The following OSTF1 variants were observed in gnomAD, a reference collection of about 807,000 sequenced individuals.
OSTF1 encodes the protein osteoclast stimulating factor 1, also known as osteoclast-stimulating factor 1.
OSTF1 carries 27 observed loss-of-function variants against 37.2 expected under a neutral mutation model. The ratio of observed to expected loss-of-function variants is 0.73; its 90% confidence interval spans 0.54 to 1.00. The LOEUF (loss-of-function observed/expected upper bound fraction) is 1.00. OSTF1 is among the 50% of genes least tolerant of loss of function. The pLI is 0.00. For synonymous variants in OSTF1, 82 were observed against 89.2 expected (o/e 0.92, Z 0.46); for missense variants, 232 against 253.8 (o/e 0.91, Z 0.58).
intron 9 of OSTF1, among the ~76,000 whole-genome samples, chr9:75,143,488 G>A (rs1475777670): frequency 6.6e-6 from 1 of 152,104 alleles, no homozygotes; most frequent in Non-Finnish European, 1.5e-5. Flanking sequence ...CTCCCTCAGT[G>A]TCTTCTGCTT....
rs751244004 is a variant in OSTF1, at chr9:75,134,372, C to G, written c.385C>G (p.Pro129Ala). 1 of 1,569,900 alleles carries G rather than the reference C, an allele frequency of 6.4e-7. No individual in the cohort carries two copies. Among genetic ancestry groups the G allele is most frequent in the South Asian group, 1.1e-5 (1 of 87,894 alleles). The change falls in exon 7 of 10, where the codon CCA becomes GCA. Residue 129 changes from proline to alanine, a missense_variant. Transcript: ENST00000346234. Reference sequence around the variant, plus strand: ...TATAGTGGAAATGCTATTTACTCAACCAAATATTGAACTGAACCAGCAGGT... The same window carrying G: ...TATAGTGGAAATGCTATTTACTCAAGCAAATATTGAACTGAACCAGCAGGT... ...KDIVEMLFTQ[P>A]NIELNQQNKL...
intron 5 of OSTF1, 73 bp downstream of exon 5, chr9:75,131,896 G>T: frequency 9.3e-7 from 1 of 1,073,108 alleles, no homozygotes; most frequent in Non-Finnish European, 1.4e-6. Context: ...TTTGACAAGT[G>T]CATACACCCA....
chr9:75,140,699 T>C (rs1825927975), intron 8 of OSTF1, 135 bp from the exon 9 acceptor site: 2 of 588,476 alleles, frequency 3.4e-6, no homozygotes, highest in East Asian at 2.9e-5. Flanking sequence ...GTTTATTGTT[T>C]TGAGAACGTT....
chr9:75,122,295 C>CT (rs1327992044), intron 2 of OSTF1, among the ~76,000 whole-genome samples: 6 of 152,126 alleles, frequency 3.9e-5, no homozygotes, highest in African/African-American at 1.4e-4. Context: ...GACTGGGAAT[C>CT]TAAGAGCTGA....
chr9:75,127,946 A>G (rs1825686523), intron 3 of OSTF1, among the ~76,000 whole-genome samples: 1 of 152,046 alleles, frequency 6.6e-6, no homozygotes, highest in South Asian at 2.1e-4. Context: ...TCAGTTTTCT[A>G]GGAAAGGGTG....
At chr9:75,139,126 T>C (rs1399612910) in intron 8 of OSTF1, among the ~76,000 whole-genome samples, 1 of 150,188 alleles carries the variant, frequency 6.7e-6, no homozygotes, top group Non-Finnish European at 1.5e-5. Context: ...CATTGCAACC[T>C]CCGCCTCCAG....
At chr9:75,124,070 G>T (rs955464523) in intron 2 of OSTF1, among the ~76,000 whole-genome samples, 6 of 151,958 alleles carry the variant, frequency 3.9e-5, no homozygotes, top group Admixed American at 2.6e-4. Flanking sequence ...GACTATTTTG[G>T]GCTTTATTAC....
intron 1 of OSTF1, among the ~76,000 whole-genome samples, chr9:75,115,482 G>T (rs1436235506): frequency 1.3e-5 from 2 of 152,008 alleles, no homozygotes; most frequent in Admixed American, 6.6e-5. Flanking sequence ...TAGAGATGGG[G>T]TTTCACCATG....
chr9:75,129,918 G>C (rs530487565), intron 3 of OSTF1, among the ~76,000 whole-genome samples: 3 of 152,272 alleles, frequency 2.0e-5, no homozygotes, highest in Admixed American at 6.5e-5. Context: ...TTTAAGCTGT[G>C]ATAATGGCAT....
At chr9:75,097,158 T>C (rs1477204337) in intron 1 of OSTF1, among the ~76,000 whole-genome samples, 2 of 152,212 alleles carry the variant, frequency 1.3e-5, no homozygotes, top group Non-Finnish European at 2.9e-5. Context: ...TTAAAATTGT[T>C]TTCGACCACA....
chr9:75,119,939 G>C (rs922854846), intron 2 of OSTF1, among the ~76,000 whole-genome samples: 25 of 151,772 alleles, frequency 1.6e-4, no homozygotes, highest in African/African-American at 4.6e-4. Context: ...ACTCCAGCCT[G>C]GCGACAGAGT....
At chr9:75,107,503 A>C (rs1306802502) in intron 1 of OSTF1, among the ~76,000 whole-genome samples, 1 of 152,318 alleles carries the variant, frequency 6.6e-6, no homozygotes, top group East Asian at 1.9e-4. Flanking sequence ...ATTGCTTGCA[A>C]TTATCTGCTT....
At chr9:75,115,453 G>A (rs1285585616) in intron 1 of OSTF1, among the ~76,000 whole-genome samples, 6 of 151,874 alleles carry the variant, frequency 4.0e-5, no homozygotes, top group Non-Finnish European at 7.4e-5. Context: ...CATCATGCCC[G>A]GCAAATTTTT....
At chr9:75,105,760 TTCTC>T (rs1388267944) in intron 1 of OSTF1, among the ~76,000 whole-genome samples, 5 of 152,322 alleles carry the variant, frequency 3.3e-5, no homozygotes, top group Non-Finnish European at 5.9e-5. Context: ...ATTGCTTTCT[TTCTC>T]TGTTTTTTAC....
chr9:75,096,765 A>G (rs1825094019), intron 1 of OSTF1, among the ~76,000 whole-genome samples: 1 of 152,172 alleles, frequency 6.6e-6, no homozygotes, highest in Non-Finnish European at 1.5e-5. Context: ...TCCAAACTTT[A>G]GCTCGCTGAG....
intron 1 of OSTF1, among the ~76,000 whole-genome samples, chr9:75,112,389 A>T (rs369802161): frequency 2.6e-5 from 4 of 152,084 alleles, no homozygotes; most frequent in African/African-American, 9.7e-5. Flanking sequence ...GGCTATTTCT[A>T]TTGCCTTCTT....
At chr9:75,131,889 G>A (rs1243500287) in intron 5 of OSTF1, 66 bp downstream of exon 5, 12 of 1,156,292 alleles carry the variant, frequency 1.0e-5, no homozygotes, top group Non-Finnish European at 1.6e-5. Context: ...AATTAGCTTT[G>A]ACAAGTGCAT....
chr9:75,103,760 A>G (rs1386757221), intron 1 of OSTF1, among the ~76,000 whole-genome samples: 6 of 152,148 alleles, frequency 3.9e-5, no homozygotes, highest in African/African-American at 7.2e-5. Context: ...CAGCCTCCCA[A>G]GTAGCTGGGA....
chr9:75,100,422 GT>G (rs577059049), intron 1 of OSTF1, among the ~76,000 whole-genome samples: 11 of 148,572 alleles, frequency 7.4e-5, no homozygotes, highest in South Asian at 4.3e-4. Flanking sequence ...GTGAAAAAGA[GT>G]TTTTTTTTTT....
Sources: gnomAD v4.1 joint callset for allele counts (sites outside exome capture counted in the v4.1 genomes callset) on GRCh38, gnomAD v4.1.1 for gene constraint, MANE v1.5 for transcripts, NCBI Gene and HGNC (gene_info 2026-07-23, HGNC 2026-07-21) for gene names.